Variants in DLC1 observed in about 807,000 individuals in gnomAD.
DLC1 encodes rho GTPase-activating protein 7.
DLC1 carries 54 observed loss-of-function variants against 140.3 expected under a neutral mutation model. That is an observed-to-expected ratio of 0.38 (90% confidence interval 0.31 to 0.48). The LOEUF is 0.48. Among genes scored for constraint, DLC1 ranks in the 20% least tolerant of loss-of-function variants. The pLI, the probability that DLC1 is intolerant of heterozygous loss-of-function variation, is 0.96. For synonymous variants in DLC1, 986 were observed against 728.1 expected, an observed-to-expected ratio of 1.35 and a Z score of -5.70; for missense variants, 2,536 against 1,907.0, an observed-to-expected ratio of 1.33 and a Z score of -6.14.
chr8:13,091,919 A>T (rs1051277152), intron 13 of DLC1, among the ~76,000 whole-genome samples: 1 of 152,054 alleles, frequency 6.6e-6, no homozygotes, highest in Non-Finnish European at 1.5e-5. Flanking sequence ...TCTGTATCCC[A>T]TTGCAGTTGG....
chr8:13,525,080 T>C (rs185561069), intron 1 of DLC1, among the ~76,000 whole-genome samples: 77 of 152,362 alleles, frequency 5.1e-4, no homozygotes, highest in Middle Eastern at 3.4e-3. Flanking sequence ...GAAGTTTATG[T>C]ATATGAAGTC....
At chr8:13,200,306 C>A (rs920002762) in intron 5 of DLC1, among the ~76,000 whole-genome samples, 1 of 152,018 alleles carries the variant, frequency 6.6e-6, no homozygotes, top group African/African-American at 2.4e-5. Context: ...TCATGATCTG[C>A]CCGCCTCGGC....
intron 5 of DLC1, among the ~76,000 whole-genome samples, chr8:13,153,132 A>G (rs1823960441): frequency 6.6e-6 from 1 of 152,024 alleles, no homozygotes; most frequent in Non-Finnish European, 1.5e-5. Context: ...GGACCCGCGC[A>G]GTGAGTGTTA....
chr8:13,425,163 A>G (rs1406798706), intron 2 of DLC1, among the ~76,000 whole-genome samples: 1 of 152,000 alleles, frequency 6.6e-6, no homozygotes, highest in African/African-American at 2.4e-5. Context: ...GAAATATGCA[A>G]GCTCCATAGA....
At chr8:13,556,698 G>A (rs1375170020) in intron 1 of DLC1, among the ~76,000 whole-genome samples, 1 of 152,154 alleles carries the variant, frequency 6.6e-6, no homozygotes, top group East Asian at 1.9e-4. Context: ...TTCTGAATGA[G>A]ACCTAGCTGG....
intron 12 of DLC1, among the ~76,000 whole-genome samples, chr8:13,094,280 T>C (rs1013840242): frequency 6.6e-6 from 1 of 152,194 alleles, no homozygotes; most frequent in African/African-American, 2.4e-5. Context: ...ATTCAATAAT[T>C]ACACAGAAAC....
intron 1 of DLC1, among the ~76,000 whole-genome samples, chr8:13,541,122 G>T (rs1434055166): frequency 1.3e-5 from 2 of 152,166 alleles, no homozygotes; most frequent in African/African-American, 4.8e-5. Flanking sequence ...AGATCATTGT[G>T]CATGGAAGTT....
rs1452877498 is a variant in DLC1 at position 13,332,476 on chromosome 8, A to T, written c.1315-27174T>A. Among the ~76,000 whole-genome samples, 4 of 150,394 alleles carry T rather than the reference A, an allele frequency of 2.7e-5. No homozygotes were observed. In the East Asian group the frequency reaches 5.9e-4, roughly 22 times the overall value. ...GATGGGGTCTCGCTGTTTTGCCCAG[A>T]CTGGAGTGCAGTGGCACGATCTCGG... On this transcript the variant is annotated intron_variant, in intron 4 of 17. Transcript: ENST00000276297.
rs146213960 is a variant in DLC1 at position 13,429,479 on chromosome 8, G to A, written c.1024-27860C>T. Among the ~76,000 whole-genome samples the A allele has an allele frequency of 5.8e-3, 886 of 152,266 alleles. 7 individuals are homozygous for A. The highest frequency in any genetic ancestry group is 0.02 in the African/African-American group (836 of 41,546). ...AAACTTTTTGTAGTGATTTGTAGTC[G>A]TTGAAAACCACGGATATAGTGTAGG... is the stretch of plus-strand genomic sequence containing the variant. On this transcript the variant is annotated intron_variant, in intron 2 of 17. Coordinates refer to ENST00000276297, the MANE Select transcript of DLC1 (RefSeq NM_182643.3).
At chr8:13,255,644 C>G (rs934633820) in intron 5 of DLC1, among the ~76,000 whole-genome samples, 4 of 152,184 alleles carry the variant, frequency 2.6e-5, no homozygotes, top group Non-Finnish European at 4.4e-5. Context: ...CTTTCACTGT[C>G]TCTGCACCCT....
chr8:13,219,259 A>G (rs918058751), intron 5 of DLC1, among the ~76,000 whole-genome samples: 120 of 137,902 alleles, frequency 8.7e-4, no homozygotes, highest in African/African-American at 3.1e-3. Context: ...GAATATGAAT[A>G]TAACTATATA....
rs562180758 is a variant in DLC1 at position 13,100,931 on chromosome 8, G to T, written c.1567-161C>A. The T allele has an allele frequency of 2.6e-4, 170 of 643,676 alleles. No individual in the cohort carries two copies. The African/African-American group carries it at 3.1e-3, about 12-fold the overall frequency. The allele number at this position is 643,676 out of a possible 1,614,324, so 39.9% of individuals were successfully genotyped here. A position where few individuals can be genotyped will look rare whatever the true frequency, so the allele number is the denominator to read the frequency against. Reference sequence around the variant, plus strand: ...TTTTTTTTTTTTTTTTTTAAAAATAGGGTCTCACTCTGTTGTACAGGCTGT... The same window carrying T: ...TTTTTTTTTTTTTTTTTTAAAAATATGGTCTCACTCTGTTGTACAGGCTGT... On this transcript the variant is annotated intron_variant, in intron 8 of 17. Transcript: ENST00000276297.
rs56989279 is a variant in DLC1, at chr8:13,208,745, GACACAC to G, written c.1349-93094_1349-93089del. ...CACACCACACACACACATACACACA[GACACAC>G]ACACACACACACACACACACACACT... On this transcript the variant is annotated intron_variant, in intron 5 of 17. Coordinates refer to ENST00000276297, the MANE Select transcript of DLC1 (RefSeq NM_182643.3). Among the ~76,000 whole-genome samples the G allele has an allele frequency of 5.1e-3, 751 of 147,878 alleles. 6 individuals are homozygous for G. Among genetic ancestry groups the G allele is most frequent in the African/African-American group, 0.016 (647 of 40,658 alleles).
At position 13,100,595 on chromosome 8, in the gene DLC1, G is replaced by C; in HGVS notation, c.1742C>G (p.Thr581Arg). Reference protein sequence around the residue: ...HPKDGPSPGGTLMDLSERQEV... With the variant: ...HPKDGPSPGGRLMDLSERQEV... ...CTGGCGCTCGCTGAGGTCCATCAGC[G>C]TGCCTCCGGGGCTGGGGCCGTCCTT... The change falls in exon 9 of 18, where the codon ACG becomes AGG. Residue 581 changes from threonine (T) to arginine (R), a missense_variant. Physicochemically the swap from Thr to Arg is moderately conservative, Grantham distance 71. Coordinates refer to ENST00000276297, the MANE Select transcript of DLC1 (RefSeq NM_182643.3). 6.2e-7 allele frequency: 1 copy of C among 1,613,958 alleles called. No individual in the cohort carries two copies. The highest frequency in any genetic ancestry group is 8.5e-7 in the Non-Finnish European group (1 of 1,179,954).
intron 1 of DLC1, among the ~76,000 whole-genome samples, chr8:13,528,144 A>C (rs1334236169): frequency 6.6e-6 from 1 of 152,144 alleles, no homozygotes; most frequent in Non-Finnish European, 1.5e-5. Context: ...ACGATAACTG[A>C]AAAAGCATAA....
At chr8:13,435,672 T>G (rs528800797) in intron 2 of DLC1, among the ~76,000 whole-genome samples, 51 of 152,342 alleles carry the variant, frequency 3.3e-4, no homozygotes, top group African/African-American at 1.2e-3. Flanking sequence ...CATCTACTCC[T>G]GATGAAGATA....
At chr8:13,348,234 C>T (rs570317072) in intron 4 of DLC1, among the ~76,000 whole-genome samples, 2 of 152,050 alleles carry the variant, frequency 1.3e-5, no homozygotes, top group Admixed American at 6.6e-5. Flanking sequence ...GCCTGGCTTC[C>T]GTGTGAGTAA....
At chr8:13,182,095 G>A (rs1239155385) in intron 5 of DLC1, among the ~76,000 whole-genome samples, 1 of 152,162 alleles carries the variant, frequency 6.6e-6, no homozygotes, top group Non-Finnish European at 1.5e-5. Flanking sequence ...CAGGGATGAT[G>A]AGCATTTTTT....
intron 1 of DLC1, among the ~76,000 whole-genome samples, chr8:13,529,607 A>G (rs1264272130): frequency 1.3e-5 from 2 of 152,196 alleles, no homozygotes; most frequent in South Asian, 2.1e-4. Context: ...GAGAATTTCA[A>G]CAGTTGTATC....
Sources: allele counts gnomAD v4.1 joint callset (sites outside exome capture counted in the v4.1 genomes callset), GRCh38; gene constraint gnomAD v4.1.1; transcripts MANE v1.5; gene names NCBI Gene and HGNC (gene_info 2026-07-23, HGNC 2026-07-21).